Variants in MRGPRE observed in about 807,000 individuals in gnomAD.
MRGPRE encodes the protein MAS related GPR family member E.
For missense variants in MRGPRE, 466 were observed against 433.4 expected, an observed-to-expected ratio of 1.08 and a Z score of -0.67; for synonymous variants, 229 against 206.7, an observed-to-expected ratio of 1.11 and a Z score of -0.92.
rs1483920751 is a variant in MRGPRE, at chr11:3,231,601, G to A, written c.-62+540C>T. Among the ~76,000 whole-genome samples the A allele has an allele frequency of 6.7e-6, 1 of 148,314 alleles. No homozygotes were observed. Among genetic ancestry groups the A allele is most frequent in the Non-Finnish European group, 1.5e-5 (1 of 66,808 alleles). ...CGGGGGAGGACGATGGAAGAGAACA[G>A]GAGGGAGGAGGAGGAGGGGGAGGAG... On this transcript the variant is annotated intron_variant, in intron 1 of 1. Transcript: ENST00000389832. This position sits in a 1 kb window ranked among gnomAD's most constrained non-coding sequence, Gnocchi z 4.7.
rs1314070256 is a variant in MRGPRE, at chr11:3,231,390, C to T, written c.-62+751G>A. ...CAGCCAGACCCTGCTGCTGCCCCCT[C>T]TCTGCTGTGACCCTGGAGGAGGTCT... On this transcript the variant is annotated intron_variant, in intron 1 of 1. Transcript: ENST00000389832. The surrounding 1 kb of genome is among the most constrained non-coding windows in gnomAD (Gnocchi z 4.7). Among the ~76,000 whole-genome samples, 1 of 151,968 alleles carries T rather than the reference C, an allele frequency of 6.6e-6. No individual in the cohort carries two copies. The highest frequency in any genetic ancestry group is 1.5e-5 in the Non-Finnish European group (1 of 67,972).
In MRGPRE at chr11:3,228,295, G is replaced by T. The variant is rs1367962514; in HGVS notation, c.505C>A (p.Pro169Thr). The change falls in exon 2 of 2, where the codon CCC becomes ACC. Residue 169 changes from proline (P) to threonine (T), a missense_variant. Coordinates refer to ENST00000389832, the MANE Select transcript of MRGPRE (RefSeq NM_001039165.4). The stretch of plus-strand genomic sequence containing the variant: ...AGCGTCCGGCACAAGTGGCGGCTGG[G>T]CTCCCCGAAGAACTGGGTGCAGGCG... ...SGACTQFFGE[P>T]SRHLCRTLWL... The T allele has an allele frequency of 2.6e-6, 4 of 1,553,890 alleles. No homozygotes were observed. Among genetic ancestry groups the T allele is most frequent in the Admixed American group, 1.9e-5 (1 of 51,312 alleles).
chr11:3,228,679 C>G lies in MRGPRE; in HGVS notation c.121G>C (p.Gly41Arg). The stretch of plus-strand genomic sequence containing the variant: ...AGCAGCCAGAGGACTGCCCCATTCC[C>G]CAGCAGCCCACCGAGGCCGAGCCCC... ...TEGLGLGGLL[G>R]NGAVLWLLSS... The change falls in exon 2 of 2, where the codon GGG (glycine) becomes CGG (arginine). Residue 41 changes from glycine (G) to arginine (R), a missense_variant. Transcript: ENST00000389832. 1 of 1,613,958 alleles carries G rather than the reference C, an allele frequency of 6.2e-7. No individual in the cohort carries two copies. The highest frequency in any genetic ancestry group is 8.5e-7 in the Non-Finnish European group (1 of 1,179,992).
In MRGPRE at chr11:3,227,727, T is replaced by G; in HGVS notation, c.*134A>C. On this transcript the variant is annotated 3_prime_UTR_variant, in exon 2 of 2. Transcript: ENST00000389832. ...ATGCTCCAGACCAAGGGTCACAACT[T>G]TGACAGCACATGACCGGGTCACCCA... 1.4e-6 allele frequency: 1 copy of G among 691,652 alleles called. No individual in the cohort carries two copies. The highest frequency in any genetic ancestry group is 2.2e-6 in the Non-Finnish European group (1 of 447,836). The allele number at this position is 691,652 out of a possible 1,614,324, so 42.8% of individuals were successfully genotyped here. A position where few individuals can be genotyped will look rare whatever the true frequency, so the allele number is the denominator to read the frequency against.
rs60799467 is a variant in MRGPRE at position 3,229,212 on chromosome 11, CT to C, written c.-61-353del. Among the ~76,000 whole-genome samples the C allele has an allele frequency of 1.9e-3, 244 of 126,454 alleles. 8 individuals carry two copies. The highest frequency in any genetic ancestry group is 3.0e-3 in the African/African-American group (90 of 29,862). The allele number at this position is 126,454 out of a possible 152,430, so 83.0% of individuals were successfully genotyped here. A position where few individuals can be genotyped will look rare whatever the true frequency, so the allele number is the denominator to read the frequency against. On this transcript the variant is annotated intron_variant, in intron 1 of 1. Transcript: ENST00000389832. This position sits in a 1 kb window ranked among gnomAD's most constrained non-coding sequence, Gnocchi z 4.4. ...GTGGTGCCTTGATCCTCAGAATGGG[CT>C]TTTTTTTTTTTTTTTTTTTTTTTTT...
chr11:3,225,367 G>A lies in MRGPRE; in HGVS notation c.*2494C>T, dbSNP rs1847748050. 6.6e-6 allele frequency among the ~76,000 whole-genome samples: 1 copy of A among 152,258 alleles called. No individual in the cohort carries two copies. Among genetic ancestry groups the A allele is most frequent in the Non-Finnish European group, 1.5e-5 (1 of 68,046 alleles). On this transcript the variant is annotated 3_prime_UTR_variant, in exon 2 of 2. Coordinates refer to ENST00000389832, the MANE Select transcript of MRGPRE (RefSeq NM_001039165.4). ...GCCCCGCAGGGGCCCGGGGTTGCGG[G>A]TGGATGGGGTGGGCTGGGCACTGAC...
Position 3,227,696 on chromosome 11 carries a change from A to C in MRGPRE, c.*165T>G. The C allele has an allele frequency of 1.9e-6, 1 of 528,566 alleles. No homozygotes were observed. The highest frequency in any genetic ancestry group is 3.1e-6 in the Non-Finnish European group (1 of 318,882). 32.7% of individuals were successfully genotyped at this position (528,566 alleles called of 1,614,324 possible). ...TGCCTTTCCAGCTGCCTCCCAGGGG[A>C]GCCTCATGCTCCAGACCAAGGGTCA... On this transcript the variant is annotated 3_prime_UTR_variant, in exon 2 of 2. Transcript: ENST00000389832.
rs1000248344 is a variant in MRGPRE, at chr11:3,227,964, C to T, written c.836G>A (p.Arg279Lys). ...CTGGAGGACCAGCCGGAGGGGCAGC[C>T]TGCGGCCCTGGGCACTGCCCAGGCA... ...YFCLGSAQGRRLPLRLVLQRA... is the reference protein window; with the variant it reads ...YFCLGSAQGRKLPLRLVLQRA... The change falls in exon 2 of 2, where the codon AGG (arginine) becomes AAG (lysine). Residue 279 changes from arginine (R) to lysine (K), a missense_variant. Arg to Lys is a conservative substitution (Grantham distance 26). Transcript: ENST00000389832. 1.9e-6 allele frequency: 3 copies of T among 1,575,814 alleles called. No homozygotes were observed. In the African/African-American group the frequency reaches 4.0e-5, roughly 21 times the overall value.
chr11:3,225,903 G>A lies in MRGPRE; in HGVS notation c.*1958C>T, dbSNP rs1322735303. Among the ~76,000 whole-genome samples the A allele has an allele frequency of 6.6e-6, 1 of 152,198 alleles. No homozygotes were observed. The highest frequency in any genetic ancestry group is 6.5e-5 in the Admixed American group (1 of 15,286). On this transcript the variant is annotated 3_prime_UTR_variant, in exon 2 of 2. Coordinates refer to ENST00000389832, the MANE Select transcript of MRGPRE (RefSeq NM_001039165.4). Reference sequence around the variant, plus strand: ...CTGGGAAGAAGTGAGCATTCTAAGGGTCCGCAATCTCTCTGAACCCTTATG... The same window carrying A: ...CTGGGAAGAAGTGAGCATTCTAAGGATCCGCAATCTCTCTGAACCCTTATG...
In MRGPRE at chr11:3,226,526, C is replaced by T. The variant is rs2134628065; in HGVS notation, c.*1335G>A. The T allele has an allele frequency of 6.6e-6, 1 of 152,148 alleles. No individual in the cohort carries two copies. The highest frequency in any genetic ancestry group is 2.0e-4 in the East Asian group (1 of 5,094). The allele number at this position is 152,148 out of a possible 1,614,324, so 9.4% of individuals were successfully genotyped here. A position where few individuals can be genotyped will look rare whatever the true frequency, so the allele number is the denominator to read the frequency against. On this transcript the variant is annotated 3_prime_UTR_variant, in exon 2 of 2. Transcript: ENST00000389832. The stretch of plus-strand genomic sequence containing the variant: ...CACGTGCGGGAGCCTGAGGTGAACG[C>T]ACTGTGTGGGCTGGGAGGGGCCCGG...
rs754926111 is a variant in MRGPRE, at chr11:3,228,367, C to T, written c.433G>A (p.Ala145Thr). Residue 145 changes from alanine to threonine, a missense_variant, in exon 2 of 2, where the codon GCC (alanine) becomes ACC (threonine). Physicochemically the swap from Ala to Thr is moderately conservative, Grantham distance 58. Coordinates refer to ENST00000389832, the MANE Select transcript of MRGPRE (RefSeq NM_001039165.4). ...RPRHLTTCVC[A>T]LTWALCLLLH... ...AGCAGGCAGAGGGCCCAGGTGAGGG[C>T]GCACACACAGGTGGTCAGGTGGCGT... 2.0e-5 allele frequency: 32 copies of T among 1,584,446 alleles called. No individual in the cohort carries two copies. Among genetic ancestry groups the T allele is most frequent in the South Asian group, 1.2e-4 (11 of 88,334 alleles).
Position 3,228,683 on chromosome 11 carries a change from C to G in MRGPRE, c.117G>C (p.Leu39=). ...SLTEGLGLGG[L]LGNGAVLWLL... is the part of the protein sequence containing the mutation. Reference sequence around the variant, plus strand: ...GCCAGAGGACTGCCCCATTCCCCAGCAGCCCACCGAGGCCGAGCCCCTCGG... The same window carrying G: ...GCCAGAGGACTGCCCCATTCCCCAGGAGCCCACCGAGGCCGAGCCCCTCGG... The change falls in exon 2 of 2, where the codon CTG becomes CTC. Residue 39 remains leucine, a synonymous_variant. Transcript: ENST00000389832. 1 of 1,614,036 alleles carries G rather than the reference C, an allele frequency of 6.2e-7. No homozygotes were observed. Among genetic ancestry groups the G allele is most frequent in the Non-Finnish European group, 8.5e-7 (1 of 1,180,012 alleles).
rs2134627990 is a variant in MRGPRE, at chr11:3,226,439, G to A, written c.*1422C>T. 6.6e-6 allele frequency: 1 copy of A among 152,394 alleles called. No homozygotes were observed. The highest frequency in any genetic ancestry group is 1.9e-4 in the East Asian group (1 of 5,164). 9.4% of individuals were successfully genotyped at this position (152,394 alleles called of 1,614,324 possible). A position where few individuals can be genotyped will look rare whatever the true frequency, so the allele number is the denominator to read the frequency against. On this transcript the variant is annotated 3_prime_UTR_variant, in exon 2 of 2. Coordinates refer to ENST00000389832, the MANE Select transcript of MRGPRE (RefSeq NM_001039165.4). ...AGTGGGGGCTGGAGGTGCTCTAGGA[G>A]AGGTGGGTCCAGCCCCTGGGGCTCC...
rs1847775825 is a variant in MRGPRE, at chr11:3,227,535, A to G, written c.*326T>C. Among the ~76,000 whole-genome samples, 1 of 152,122 alleles carries G rather than the reference A, an allele frequency of 6.6e-6. No individual in the cohort carries two copies. Among genetic ancestry groups the G allele is most frequent in the Non-Finnish European group, 1.5e-5 (1 of 67,996 alleles). On this transcript the variant is annotated 3_prime_UTR_variant, in exon 2 of 2. Coordinates refer to ENST00000389832, the MANE Select transcript of MRGPRE (RefSeq NM_001039165.4). ...TTGCTTTCCGGGGTCTCCTCACTGCAGCTGAGCAGGGAATGGGTAGCAGCA... is the reference window on the plus strand; with the variant it reads ...TTGCTTTCCGGGGTCTCCTCACTGCGGCTGAGCAGGGAATGGGTAGCAGCA...
In MRGPRE at chr11:3,227,660, T is replaced by G. The variant is rs182209971; in HGVS notation, c.*201A>C. 296 of 468,236 alleles carry G rather than the reference T, an allele frequency of 6.3e-4. No individual in the cohort carries two copies. Among genetic ancestry groups the G allele is most frequent in the African/African-American group, 5.3e-3 (273 of 51,176 alleles). The allele number at this position is 468,236 out of a possible 1,614,324, so 29.0% of individuals were successfully genotyped here. A position where few individuals can be genotyped will look rare whatever the true frequency, so the allele number is the denominator to read the frequency against. On this transcript the variant is annotated 3_prime_UTR_variant, in exon 2 of 2. Transcript: ENST00000389832. ...GAGACCCGGCCCGCCTGCCTGGGCA[T>G]GTAGAGACCTTGCCTTTCCAGCTGC...
At position 3,225,399 on chromosome 11, in the gene MRGPRE, G is replaced by A. The variant is rs1196398418; in HGVS notation, c.*2462C>T. ...GGGTGGGCTGGGCACTGACCGAGGAGCTTTGCCTGCGACCCAGGTGGAGGT... is the reference window on the plus strand; with the variant it reads ...GGGTGGGCTGGGCACTGACCGAGGAACTTTGCCTGCGACCCAGGTGGAGGT... On this transcript the variant is annotated 3_prime_UTR_variant, in exon 2 of 2. Coordinates refer to ENST00000389832, the MANE Select transcript of MRGPRE (RefSeq NM_001039165.4). Among the ~76,000 whole-genome samples, 4 of 152,232 alleles carry A rather than the reference G, an allele frequency of 2.6e-5. No homozygotes were observed. Among genetic ancestry groups the A allele is most frequent in the African/African-American group, 7.2e-5 (3 of 41,462 alleles).
At position 3,231,966 on chromosome 11, in the gene MRGPRE, G is replaced by A. The variant is rs925294194; in HGVS notation, c.-62+175C>T. Among the ~76,000 whole-genome samples, 1 of 152,122 alleles carries A rather than the reference G, an allele frequency of 6.6e-6. No individual in the cohort carries two copies. The highest frequency in any genetic ancestry group is 2.4e-5 in the African/African-American group (1 of 41,420). On this transcript the variant is annotated intron_variant, in intron 1 of 1. Coordinates refer to ENST00000389832, the MANE Select transcript of MRGPRE (RefSeq NM_001039165.4). This position sits in a 1 kb window ranked among gnomAD's most constrained non-coding sequence, Gnocchi z 4.7. ...GCCCAGGGCTGGCTGCGGACCAGGTGGTGCGGCCCGTCAGAGGGCGGAGGC... is the reference window on the plus strand; with the variant it reads ...GCCCAGGGCTGGCTGCGGACCAGGTAGTGCGGCCCGTCAGAGGGCGGAGGC...
chr11:3,230,831 G>A lies in MRGPRE; in HGVS notation c.-62+1310C>T, dbSNP rs1847821293. The stretch of plus-strand genomic sequence containing the variant: ...AGGCAGACCATGGGTGGGAGGTGAG[G>A]TGGTGGTGGAGGGAGCCCCACCTGG... On this transcript the variant is annotated intron_variant, in intron 1 of 1. Transcript: ENST00000389832. The surrounding 1 kb of genome is among the most constrained non-coding windows in gnomAD (Gnocchi z 5.5). Among the ~76,000 whole-genome samples the A allele has an allele frequency of 6.6e-6, 1 of 152,134 alleles. No homozygotes were observed. Among genetic ancestry groups the A allele is most frequent in the African/African-American group, 2.4e-5 (1 of 41,432 alleles).
chr11:3,230,254 C>T lies in MRGPRE; in HGVS notation c.-61-1394G>A, dbSNP rs1223581982. ...CCAGAGACTGGCTGGGGTCAGGGGC[C>T]GACACCAGGTGCCCCTCCCACCTTG... On this transcript the variant is annotated intron_variant, in intron 1 of 1. Transcript: ENST00000389832. This position sits in a 1 kb window ranked among gnomAD's most constrained non-coding sequence, Gnocchi z 5.5. 7.9e-5 allele frequency among the ~76,000 whole-genome samples: 12 copies of T among 151,976 alleles called. No individual in the cohort carries two copies. The highest frequency in any genetic ancestry group is 1.2e-4 in the Non-Finnish European group (8 of 67,932).
Sources: allele counts gnomAD v4.1 joint callset (sites outside exome capture counted in the v4.1 genomes callset), GRCh38; gene constraint gnomAD v4.1.1; non-coding constraint Gnocchi (gnomAD v3.1); transcripts MANE v1.5; gene names NCBI Gene and HGNC (gene_info 2026-07-23, HGNC 2026-07-21).